The following ABTB2 variants were observed in gnomAD, a reference collection of about 807,000 sequenced individuals.
The protein encoded by ABTB2 is ankyrin repeat and BTB/POZ domain-containing protein 2.
In ABTB2, 56 loss-of-function variants were observed where a neutral mutation model predicts 104.1. That is an observed-to-expected ratio of 0.54 (90% CI 0.43 to 0.67). The LOEUF (loss-of-function observed/expected upper bound fraction) is 0.67. Among genes scored for constraint, ABTB2 ranks in the 30% least tolerant of loss-of-function variants. ABTB2 has a pLI of 0.00. For missense variants in ABTB2, 1,279 were observed against 1,407.7 expected (o/e 0.91, Z 1.46); for synonymous variants, 606 against 608.2 (o/e 1.00, Z 0.05).
chr11:34,200,574 C>T (rs542880387), intron 2 of ABTB2, among the ~76,000 whole-genome samples: 5 of 152,208 alleles, frequency 3.3e-5, no homozygotes, highest in Non-Finnish European at 5.9e-5. Flanking sequence ...GCAAAGAAAG[C>T]GGCTTGCTTG....
At chr11:34,214,146 A>G (rs958535514) in intron 1 of ABTB2, among the ~76,000 whole-genome samples, 6 of 149,336 alleles carry the variant, frequency 4.0e-5, no homozygotes, top group African/African-American at 1.5e-4. Context: ...CAAAACACAC[A>G]CACACACACA....
chr11:34,323,748 C>A (rs1020287279), intron 1 of ABTB2, among the ~76,000 whole-genome samples: 3 of 152,176 alleles, frequency 2.0e-5, no homozygotes, highest in Non-Finnish European at 4.4e-5. Context: ...ATAGCTTGCA[C>A]AATCTTTCTC....
chr11:34,197,742 A>G (rs1193509433), intron 2 of ABTB2, among the ~76,000 whole-genome samples: 1 of 151,616 alleles, frequency 6.6e-6, no homozygotes, highest in African/African-American at 2.4e-5. Context: ...CTTTCATTTC[A>G]CTCTTGCTGA....
chr11:34,167,482 G>C, intron 6 of ABTB2, 122 bp from the exon 7 acceptor site: 1 of 830,456 alleles, frequency 1.2e-6, no homozygotes, highest in Non-Finnish European at 1.9e-6. Context: ...TTTGCCTGGA[G>C]CACAAAGTGG....
chr11:34,330,607 A>G (rs1340123119), intron 1 of ABTB2, among the ~76,000 whole-genome samples: 1 of 152,254 alleles, frequency 6.6e-6, no homozygotes, highest in Non-Finnish European at 1.5e-5. Context: ...TGGTTATAAC[A>G]TCATAGTGTG....
rs75903561 is a variant in ABTB2, at chr11:34,238,261, C to T, written c.884-33571G>A. On this transcript the variant is annotated intron_variant, in intron 1 of 16. Transcript: ENST00000435224. ...GGCATCTGCATGGCTAGGTCCCTCA[C>T]GACCTTCAGGGCTTTTCCCAAATCT... 4.4e-3 allele frequency among the ~76,000 whole-genome samples: 671 copies of T among 152,236 alleles called. 5 individuals are homozygous for T. Among genetic ancestry groups the T allele is most frequent in the Non-Finnish European group, 5.6e-3 (382 of 68,012 alleles).
chr11:34,273,934 T>G lies in ABTB2; in HGVS notation c.884-69244A>C, dbSNP rs528131353. ...TTGGGAGGCCGAGGCGGGTGGATCA[T>G]GAGGTCAGGAGATCGAGACCATCCT... On this transcript the variant is annotated intron_variant, in intron 1 of 16. Coordinates refer to ENST00000435224, the MANE Select transcript of ABTB2 (RefSeq NM_145804.3). Among the ~76,000 whole-genome samples the G allele has an allele frequency of 1.2e-3, 182 of 151,090 alleles. 1 individual carries two copies. Among genetic ancestry groups the G allele is most frequent in the African/African-American group, 3.3e-3 (136 of 41,120 alleles).
At chr11:34,344,180 C>A (rs1855301173) in intron 1 of ABTB2, among the ~76,000 whole-genome samples, 1 of 152,276 alleles carries the variant, frequency 6.6e-6, no homozygotes, top group Admixed American at 6.5e-5. Context: ...AATTGAAGGA[C>A]ACAGACGCAA....
At chr11:34,336,350 C>T (rs901406365) in intron 1 of ABTB2, among the ~76,000 whole-genome samples, 1 of 152,148 alleles carries the variant, frequency 6.6e-6, no homozygotes, top group Non-Finnish European at 1.5e-5. Flanking sequence ...GGTTGAGGTA[C>T]TTGCCTAGCA....
Position 34,154,787 on chromosome 11 carries a change from C to CA in ABTB2, c.2698-19_2698-18insT. ...ATCATCATCTGTGGTGGGAAGAGGC[C>CA]CATGTGAATGCCACGTGAACCTGAG... is the stretch of plus-strand genomic sequence containing the variant. On this transcript the variant is annotated intron_variant, in intron 14 of 16. Transcript: ENST00000435224. This position sits in a 1 kb window ranked among gnomAD's most constrained non-coding sequence, Gnocchi z 4.9. The CA allele has an allele frequency of 6.2e-7, 1 of 1,613,324 alleles. No homozygotes were observed. The highest frequency in any genetic ancestry group is 8.5e-7 in the Non-Finnish European group (1 of 1,179,436).
chr11:34,228,281 A>C (rs1461371057), intron 1 of ABTB2, among the ~76,000 whole-genome samples: 1 of 92,470 alleles, frequency 1.1e-5, no homozygotes, highest in Non-Finnish European at 2.4e-5. Flanking sequence ...GCTGGTTTCA[A>C]ACTCCTGACC....
chr11:34,297,911 G>A (rs78627928), intron 1 of ABTB2, among the ~76,000 whole-genome samples: 12,719 of 151,940 alleles, frequency 0.084, 763 homozygotes, highest in Middle Eastern at 0.18. Flanking sequence ...GGGGATTAAG[G>A]CCCTTATAAA....
At chr11:34,305,301 C>T (rs1854757748) in intron 1 of ABTB2, among the ~76,000 whole-genome samples, 1 of 152,206 alleles carries the variant, frequency 6.6e-6, no homozygotes, top group Non-Finnish European at 1.5e-5. Flanking sequence ...GTGTAAACAG[C>T]GATGGTTTTA....
intron 1 of ABTB2, among the ~76,000 whole-genome samples, chr11:34,291,126 C>T (rs142466243): frequency 6.6e-6 from 1 of 152,364 alleles, no homozygotes; most frequent in Non-Finnish European, 1.5e-5. Context: ...TATCAATGAG[C>T]TTCAGATCTA....
At position 34,357,975 on chromosome 11, in the gene ABTB2, G is replaced by A. The variant is rs1429231574; in HGVS notation, c.-392C>T. The A allele has an allele frequency of 2.5e-5, 5 of 197,214 alleles. No individual in the cohort carries two copies. The highest frequency in any genetic ancestry group is 1.0e-5 in the Non-Finnish European group (1 of 98,640). The allele number at this position is 197,214 out of a possible 1,614,324, so 12.2% of individuals were successfully genotyped here. ...GGCGCAGGGCGCAGCGCGAGTCCGGGACCAGCCGGCGAGAAAGCGCTCTGC... is the reference window on the plus strand; with the variant it reads ...GGCGCAGGGCGCAGCGCGAGTCCGGAACCAGCCGGCGAGAAAGCGCTCTGC... On this transcript the variant is annotated 5_prime_UTR_variant, in exon 1 of 17. Transcript: ENST00000435224.
intron 1 of ABTB2, among the ~76,000 whole-genome samples, chr11:34,298,316 AG>A (rs1360219541): frequency 2.0e-5 from 3 of 152,190 alleles, no homozygotes; most frequent in East Asian, 3.9e-4. Context: ...TTCATGGCAT[AG>A]CCTTAGCATA....
rs772843303 is a variant in ABTB2 at position 34,162,569 on chromosome 11, G to A, written c.2218+7C>T. 1 of 1,612,600 alleles carries A rather than the reference G, an allele frequency of 6.2e-7. No individual in the cohort carries two copies. Among genetic ancestry groups the A allele is most frequent in the African/African-American group, 1.3e-5 (1 of 74,926 alleles). On this transcript the variant is annotated splice_region_variant and intron_variant, in intron 10 of 16. Coordinates refer to ENST00000435224, the MANE Select transcript of ABTB2 (RefSeq NM_145804.3). ...GGACATGGGTGTGCATGCCCGTGAG[G>A]CCTCACCCAGTGCCCTCAGCTCCAT... is the stretch of plus-strand genomic sequence containing the variant.
chr11:34,190,316 T>C (rs1224372061), intron 3 of ABTB2, among the ~76,000 whole-genome samples: 1 of 132,726 alleles, frequency 7.5e-6, no homozygotes, highest in Non-Finnish European at 1.6e-5. Flanking sequence ...GTAAATGACA[T>C]GCCTGAGGCC....
rs542622089 is a variant in ABTB2 at position 34,312,306 on chromosome 11, T to C, written c.883+44395A>G. 2.8e-4 allele frequency among the ~76,000 whole-genome samples: 42 copies of C among 152,302 alleles called. No individual in the cohort carries two copies. In the South Asian group the frequency reaches 7.7e-3, roughly 28 times the overall value. Reference sequence around the variant, plus strand: ...ATCCCAGGAAAACACACCTTGTTCATTCATTTCAGAGGGTCTCTACGAGGC... The same window carrying C: ...ATCCCAGGAAAACACACCTTGTTCACTCATTTCAGAGGGTCTCTACGAGGC... On this transcript the variant is annotated intron_variant, in intron 1 of 16. Coordinates refer to ENST00000435224, the MANE Select transcript of ABTB2 (RefSeq NM_145804.3).
Sources: allele counts gnomAD v4.1 joint callset (sites outside exome capture counted in the v4.1 genomes callset), GRCh38; gene constraint gnomAD v4.1.1; non-coding constraint Gnocchi (gnomAD v3.1); transcripts MANE v1.5; gene names NCBI Gene and HGNC (gene_info 2026-07-23, HGNC 2026-07-21).